Variants in STAM observed in about 807,000 individuals in gnomAD.
STAM encodes signal transducing adapter molecule 1.
STAM carries 16 observed loss-of-function variants against 63.4 expected under a neutral mutation model. That is an observed-to-expected ratio of 0.25 (90% CI 0.17 to 0.38). The LOEUF (loss-of-function observed/expected upper bound fraction) is 0.38, where lower values mean the gene tolerates loss of function less well. STAM is among the 10% of genes least tolerant of loss of function. STAM has a pLI of 1.00. For synonymous variants in STAM, 238 were observed against 223.9 expected, an observed-to-expected ratio of 1.06 and a Z score of -0.56; for missense variants, 636 against 657.1, an observed-to-expected ratio of 0.97 and a Z score of 0.35.
At chr10:17,712,087 G>A (rs781924994) in intron 13 of STAM, among the ~76,000 whole-genome samples, 19 of 152,300 alleles carry the variant, frequency 1.2e-4, no homozygotes, top group Non-Finnish European at 1.8e-4. Context: ...CTGGGTGGAC[G>A]GTGGAACTGT....
chr10:17,708,782 G>A lies in STAM; in HGVS notation c.1216G>A (p.Ala406Thr). 1 of 1,612,852 alleles carries A rather than the reference G, an allele frequency of 6.2e-7. No individual in the cohort carries two copies. The highest frequency in any genetic ancestry group is 8.5e-7 in the Non-Finnish European group (1 of 1,179,192). The change falls in exon 13 of 14, where the codon GCA becomes ACA. Residue 406 changes from alanine (A) to threonine (T), a missense_variant. Physicochemically the swap from Ala to Thr is moderately conservative, Grantham distance 58 (BLOSUM62 0). Coordinates refer to ENST00000377524, the MANE Select transcript of STAM (RefSeq NM_003473.4). ...TTCTCTTTAACCATCGCAGGTGTATGCAGGGCCTCCTCCAAGTGGTGCCTA... is the reference window on the plus strand; with the variant it reads ...TTCTCTTTAACCATCGCAGGTGTATACAGGGCCTCCTCCAAGTGGTGCCTA... The part of the protein sequence containing the change: ...SSGVSGSQVY[A>T]GPPPSGAYLV...
chr10:17,668,484 TG>T (rs1269848448), intron 2 of STAM, among the ~76,000 whole-genome samples: 1 of 152,242 alleles, frequency 6.6e-6, no homozygotes, highest in African/African-American at 2.4e-5. Flanking sequence ...CACTTTGTTT[TG>T]TACAGGTCAA....
chr10:17,705,873 GC>G, intron 12 of STAM, 132 bp downstream of exon 12: 3 of 720,536 alleles, frequency 4.2e-6, no homozygotes, highest in Non-Finnish European at 6.5e-6. Flanking sequence ...TTTAAGACCA[GC>G]CTGGGTAACA....
At chr10:17,679,902 T>A (rs531901176) in intron 2 of STAM, among the ~76,000 whole-genome samples, 46 of 152,208 alleles carry the variant, frequency 3.0e-4, no homozygotes, top group South Asian at 6.2e-4. Flanking sequence ...TTAAAATCCT[T>A]TTTATTTCAG....
rs191916799 is a variant in STAM at position 17,663,738 on chromosome 10, G to T, written c.125+3190G>T. 2.0e-4 allele frequency among the ~76,000 whole-genome samples: 30 copies of T among 152,146 alleles called. No homozygotes were observed. In the East Asian group the frequency reaches 4.0e-3, roughly 21 times the overall value. On this transcript the variant is annotated intron_variant, in intron 2 of 13. Transcript: ENST00000377524. The stretch of plus-strand genomic sequence containing the variant: ...TTGAAAAGGATTAAACAATAATTGA[G>T]ATACCATTCTAATATTATTGAGGTT...
At chr10:17,694,723 G>A (rs1190931453) in intron 6 of STAM, among the ~76,000 whole-genome samples, 8 of 152,116 alleles carry the variant, frequency 5.3e-5, no homozygotes, top group African/African-American at 1.7e-4. Context: ...TTGAAAAAAA[G>A]GTCAAGGAAA....
chr10:17,665,740 A>G (rs566475254), intron 2 of STAM, among the ~76,000 whole-genome samples: 2 of 151,800 alleles, frequency 1.3e-5, no homozygotes, highest in Non-Finnish European at 2.9e-5. Context: ...AGCCTACTAG[A>G]TGTAATCCCT....
At chr10:17,676,639 A>G (rs1473562560) in intron 2 of STAM, among the ~76,000 whole-genome samples, 7 of 152,250 alleles carry the variant, frequency 4.6e-5, no homozygotes, top group Admixed American at 6.5e-5. Flanking sequence ...ATAACATCCA[A>G]TTTGCCTTGG....
At chr10:17,700,051 C>G (rs562621113) in intron 8 of STAM, 140 bp from the exon 9 acceptor site, 7 of 543,544 alleles carry the variant, frequency 1.3e-5, no homozygotes, top group African/African-American at 2.0e-5. Flanking sequence ...AAATCTGCAA[C>G]TCAGTTATTT....
At chr10:17,706,906 AT>A (rs1340204015) in intron 12 of STAM, among the ~76,000 whole-genome samples, 3 of 152,186 alleles carry the variant, frequency 2.0e-5, no homozygotes, top group African/African-American at 4.8e-5. Flanking sequence ...TGAAAAAAAA[AT>A]GAGGTAAAAA....
intron 2 of STAM, among the ~76,000 whole-genome samples, chr10:17,668,361 G>A (rs1009369576): frequency 6.6e-6 from 1 of 152,140 alleles, no homozygotes; most frequent in Non-Finnish European, 1.5e-5. Flanking sequence ...GGTCAACTCC[G>A]ACACAATTTC....
intron 2 of STAM, among the ~76,000 whole-genome samples, chr10:17,665,387 C>T (rs1243356361): frequency 2.0e-5 from 3 of 152,064 alleles, no homozygotes; most frequent in African/African-American, 7.2e-5. Context: ...ATCCCTGTTT[C>T]GCTGCTCTCA....
chr10:17,667,993 A>C (rs1343594298), intron 2 of STAM, among the ~76,000 whole-genome samples: 1 of 152,204 alleles, frequency 6.6e-6, no homozygotes, highest in Non-Finnish European at 1.5e-5. Flanking sequence ...CTTTAAATTA[A>C]AACTATAGAG....
intron 5 of STAM, among the ~76,000 whole-genome samples, chr10:17,689,403 A>G (rs1460770699): frequency 6.6e-5 from 10 of 152,206 alleles, no homozygotes; most frequent in African/African-American, 2.4e-4. Context: ...TTTCCAGTTT[A>G]TCTGAGCACT....
chr10:17,701,764 G>A (rs1016523964), intron 9 of STAM, among the ~76,000 whole-genome samples: 3 of 151,972 alleles, frequency 2.0e-5, no homozygotes, highest in African/African-American at 4.8e-5. Flanking sequence ...CCAACTTTAC[G>A]GAAGAAAGGC....
At chr10:17,672,064 G>C (rs994901485) in intron 2 of STAM, among the ~76,000 whole-genome samples, 6 of 152,150 alleles carry the variant, frequency 3.9e-5, no homozygotes, top group Non-Finnish European at 8.8e-5. Flanking sequence ...ATTTTCAAAA[G>C]TTTTATACAG....
At chr10:17,675,878 C>CA (rs1449886110) in intron 2 of STAM, among the ~76,000 whole-genome samples, 7 of 151,840 alleles carry the variant, frequency 4.6e-5, no homozygotes, top group Non-Finnish European at 1.0e-4. Context: ...TAGATTAATC[C>CA]AAAGGGCCGG....
At chr10:17,653,197 A>G (rs1833804924) in intron 1 of STAM, among the ~76,000 whole-genome samples, 1 of 152,172 alleles carries the variant, frequency 6.6e-6, no homozygotes, top group Non-Finnish European at 1.5e-5. Flanking sequence ...TTCATAAATC[A>G]TACCTATATA....
intron 2 of STAM, among the ~76,000 whole-genome samples, chr10:17,682,192 A>G (rs1480562024): frequency 2.0e-5 from 3 of 152,206 alleles, no homozygotes; most frequent in African/African-American, 7.2e-5. Context: ...CATTGTCACT[A>G]TAGATTAAAT....
Sources: gnomAD v4.1 joint callset for allele counts (sites outside exome capture counted in the v4.1 genomes callset) on GRCh38, gnomAD v4.1.1 for gene constraint, MANE v1.5 for transcripts, NCBI Gene and HGNC (gene_info 2026-07-23, HGNC 2026-07-21) for gene names.